Variants in ITPR1 observed in about 807,000 individuals in gnomAD.
ITPR1 encodes the protein inositol 1,4,5-trisphosphate-gated calcium channel ITPR1.
In ITPR1, 96 loss-of-function variants were observed where a neutral mutation model predicts 318.4. The observed-to-expected ratio is 0.30, with a 90% CI of 0.26 to 0.36. The LOEUF is 0.36. Ranked by LOEUF, ITPR1 falls within the 10% of genes least tolerant of loss-of-function variation. The probability of loss-of-function intolerance (pLI) is 1.00; values close to 1 mark genes in which losing one functional copy is unlikely to be tolerated. For missense variants in ITPR1, 2,440 were observed against 3,460.2 expected, an observed-to-expected ratio of 0.71 and a Z score of 7.40; for synonymous variants, 1,312 against 1,289.9, an observed-to-expected ratio of 1.02 and a Z score of -0.37.
chr3:4,744,257 G>A (rs186435280), intron 44 of ITPR1, among the ~76,000 whole-genome samples: 1 of 152,344 alleles, frequency 6.6e-6, no homozygotes, highest in East Asian at 1.9e-4. Flanking sequence ...TGTAAAGTGA[G>A]GCATCAATTC....
At chr3:4,559,414 C>T (rs1471257841) in intron 4 of ITPR1, among the ~76,000 whole-genome samples, 1 of 152,126 alleles carries the variant, frequency 6.6e-6, no homozygotes, top group African/African-American at 2.4e-5. Context: ...AAAGTATAGA[C>T]AACTTTATAT....
chr3:4,793,731 A>T (rs1230820437), intron 52 of ITPR1, among the ~76,000 whole-genome samples: 13 of 152,212 alleles, frequency 8.5e-5, no homozygotes, highest in Admixed American at 8.5e-4. Context: ...CTGGATAACA[A>T]GATCTCCACT....
At chr3:4,607,565 A>C (rs959866600) in intron 4 of ITPR1, among the ~76,000 whole-genome samples, 1 of 152,122 alleles carries the variant, frequency 6.6e-6, no homozygotes, top group Non-Finnish European at 1.5e-5. Flanking sequence ...TAAATGGAAG[A>C]CTGGAGGTTT....
At chr3:4,664,429 A>G (rs890982767) in intron 16 of ITPR1, among the ~76,000 whole-genome samples, 5 of 152,238 alleles carry the variant, frequency 3.3e-5, no homozygotes, top group African/African-American at 1.2e-4. Context: ...AAGCTAAAAG[A>G]GAAACATATT....
rs762525136 is a variant in ITPR1, at chr3:4,683,432, T to C, written c.3208T>C (p.Phe1070Leu). Residue 1070 changes from phenylalanine to leucine, a missense_variant, in exon 27 of 62, where the codon TTT becomes CTT. Physicochemically the swap from Phe to Leu is conservative, Grantham distance 22. Coordinates refer to ENST00000649015, the MANE Select transcript of ITPR1 (RefSeq NM_001378452.1). ...CTTGGATGACCACGGCGGCAGAACCTTTCTCCGTGTCCTGCTCCACTTGAC... is the reference window on the plus strand; with the variant it reads ...CTTGGATGACCACGGCGGCAGAACCCTTCTCCGTGTCCTGCTCCACTTGAC... ...LDLDDHGGRT[F>L]LRVLLHLTMH... is the part of the protein sequence containing the mutation. 1 of 1,614,042 alleles carries C rather than the reference T, an allele frequency of 6.2e-7. No individual in the cohort carries two copies. The highest frequency in any genetic ancestry group is 8.5e-7 in the Non-Finnish European group (1 of 1,179,886).
At chr3:4,839,053 C>T (rs567836317) in intron 61 of ITPR1, among the ~76,000 whole-genome samples, 19 of 152,308 alleles carry the variant, frequency 1.2e-4, no homozygotes, top group African/African-American at 3.6e-4. Flanking sequence ...TAGTGCCGGG[C>T]GTGGTGGCTC....
At chr3:4,600,790 C>A (rs991123552) in intron 4 of ITPR1, among the ~76,000 whole-genome samples, 7 of 152,002 alleles carry the variant, frequency 4.6e-5, no homozygotes, top group African/African-American at 1.5e-4. Context: ...CACTCCCCAC[C>A]CCCAACAAGG....
chr3:4,579,678 A>G (rs7622912), intron 4 of ITPR1, among the ~76,000 whole-genome samples: 27,618 of 152,134 alleles, frequency 0.18, 3,102 homozygotes, highest in African/African-American at 0.32. Context: ...TTTAGAAAGT[A>G]TATTGAGTCA....
intron 2 of ITPR1, among the ~76,000 whole-genome samples, chr3:4,509,739 G>A (rs2081658671): frequency 2.0e-5 from 3 of 152,246 alleles, no homozygotes; most frequent in Admixed American, 2.0e-4. Flanking sequence ...CAAGGCTGCA[G>A]TGAGCTATGA....
chr3:4,833,897 AGTTT>A (rs10537845), intron 60 of ITPR1, among the ~76,000 whole-genome samples: 3,134 of 152,032 alleles, frequency 0.021, 115 homozygotes, highest in African/African-American at 0.072. Flanking sequence ...TTCCTTAGTT[AGTTT>A]TTTATTTGTT....
chr3:4,666,882 C>G (rs1465484688), intron 17 of ITPR1, among the ~76,000 whole-genome samples: 2 of 152,128 alleles, frequency 1.3e-5, no homozygotes, highest in Admixed American at 6.5e-5. Context: ...GTATTTATTC[C>G]TGACCTTCTT....
At chr3:4,653,737 T>A in intron 11 of ITPR1, 105 bp from the exon 12 acceptor site, 1 of 740,776 alleles carries the variant, frequency 1.3e-6, no homozygotes. Flanking sequence ...GACAAGTTCT[T>A]AGCTGTTCAA....
chr3:4,540,818 C>T (rs2084372571), intron 4 of ITPR1, among the ~76,000 whole-genome samples: 1 of 152,134 alleles, frequency 6.6e-6, no homozygotes, highest in African/African-American at 2.4e-5. Flanking sequence ...TCAAACTATC[C>T]ACCTGCCTCA....
chr3:4,699,904 T>C lies in ITPR1; in HGVS notation c.4499T>C (p.Phe1500Ser), dbSNP rs1194282169. 6.2e-7 allele frequency: 1 copy of C among 1,613,776 alleles called. No individual in the cohort carries two copies. Among genetic ancestry groups the C allele is most frequent in the African/African-American group, 1.3e-5 (1 of 74,930 alleles). The change falls in exon 35 of 62, where the codon TTC (phenylalanine) becomes TCC (serine). Residue 1500 changes from phenylalanine (F) to serine (S), a missense_variant. Phe to Ser is a radical substitution (Grantham distance 155, BLOSUM62 -2). Coordinates refer to ENST00000649015, the MANE Select transcript of ITPR1 (RefSeq NM_001378452.1). Reference sequence around the variant, plus strand: ...GTCATGAGTATTGTTACTACTTTCTTCAGCTCTCCCTTCTCAGACCAGAGT... The same window carrying C: ...GTCATGAGTATTGTTACTACTTTCTCCAGCTCTCCCTTCTCAGACCAGAGT... ...EIVMSIVTTF[F>S]SSPFSDQSTT... is the part of the protein sequence containing the mutation.
chr3:4,800,389 A>T, intron 53 of ITPR1, 36 bp from the exon 54 acceptor site: 2 of 1,604,696 alleles, frequency 1.2e-6, no homozygotes, highest in South Asian at 2.2e-5. Context: ...CAGTGAAGGC[A>T]CAGATTTGTG....
chr3:4,595,174 T>C (rs949552306), intron 4 of ITPR1, among the ~76,000 whole-genome samples: 1 of 152,214 alleles, frequency 6.6e-6, no homozygotes, highest in Non-Finnish European at 1.5e-5. Flanking sequence ...TACCTGAGAC[T>C]GGGTAGTTTA....
intron 4 of ITPR1, among the ~76,000 whole-genome samples, chr3:4,601,927 G>C (rs1368504710): frequency 6.6e-6 from 1 of 152,112 alleles, no homozygotes; most frequent in African/African-American, 2.4e-5. Context: ...ACATATAAAT[G>C]GCTAATAAGC....
intron 20 of ITPR1, among the ~76,000 whole-genome samples, 187 bp from the exon 21 acceptor site, chr3:4,672,949 A>G (rs368750078): frequency 1.3e-5 from 2 of 152,164 alleles, no homozygotes; most frequent in South Asian, 4.1e-4. Context: ...CACAGCTTGA[A>G]TAGTTCTTTT....
chr3:4,537,737 T>A (rs543124103), intron 4 of ITPR1, among the ~76,000 whole-genome samples: 1 of 151,512 alleles, frequency 6.6e-6, no homozygotes, highest in Non-Finnish European at 1.5e-5. Context: ...GATTCTCTCT[T>A]GAAGTCTCCA....
Sources: allele counts gnomAD v4.1 joint callset (sites outside exome capture counted in the v4.1 genomes callset), GRCh38; gene constraint gnomAD v4.1.1; transcripts MANE v1.5; gene names NCBI Gene and HGNC (gene_info 2026-07-23, HGNC 2026-07-21).